The following CDC42BPA variants were observed in gnomAD, a reference collection of about 807,000 sequenced individuals.
CDC42BPA encodes the protein CDC42 binding protein kinase alpha.
A neutral mutation model predicts 223.5 loss-of-function variants in CDC42BPA; 80 were observed. The ratio of observed to expected loss-of-function variants is 0.36; its 90% confidence interval spans 0.30 to 0.43. The LOEUF (loss-of-function observed/expected upper bound fraction) is 0.43. Among genes scored for constraint, CDC42BPA ranks in the 20% least tolerant of loss-of-function variants. The pLI is 1.00. For missense variants in CDC42BPA, 1,743 were observed against 2,099.9 expected (o/e 0.83, Z 3.32); for synonymous variants, 694 against 718.6 (o/e 0.97, Z 0.55).
At chr1:227,010,657 TTCC>T (rs1475619161) in intron 34 of CDC42BPA, among the ~76,000 whole-genome samples, 4 of 152,190 alleles carry the variant, frequency 2.6e-5, no homozygotes, top group Admixed American at 6.5e-5. Flanking sequence ...ATCTTCCCTA[TTCC>T]TCCATCTTCT....
intron 2 of CDC42BPA, among the ~76,000 whole-genome samples, chr1:227,250,279 G>T (rs955371631): frequency 6.6e-6 from 1 of 152,144 alleles, no homozygotes. Flanking sequence ...CCTGAGGTCA[G>T]GAGTTCGAGA....
intron 5 of CDC42BPA, among the ~76,000 whole-genome samples, chr1:227,188,869 AAGGG>A: frequency 6.6e-6 from 1 of 152,118 alleles, no homozygotes; most frequent in Admixed American, 6.5e-5. Context: ...GGTGATAATG[AAGGG>A]TCATTGATGT....
chr1:227,141,540 G>A (rs758554576), intron 9 of CDC42BPA, among the ~76,000 whole-genome samples: 4 of 152,148 alleles, frequency 2.6e-5, no homozygotes, highest in Non-Finnish European at 4.4e-5. Context: ...GTAAGTAGGC[G>A]GTAAATATGG....
At chr1:227,256,033 A>C (rs1216012396) in intron 1 of CDC42BPA, among the ~76,000 whole-genome samples, 3 of 152,234 alleles carry the variant, frequency 2.0e-5, no homozygotes, top group East Asian at 1.9e-4. Flanking sequence ...CTAAGGAATT[A>C]ATACCAGAAT....
chr1:227,312,215 G>A (rs1005626708), intron 1 of CDC42BPA, among the ~76,000 whole-genome samples: 2 of 152,142 alleles, frequency 1.3e-5, no homozygotes, highest in East Asian at 1.9e-4. Flanking sequence ...ACAACCAGCA[G>A]GAGAAAAACA....
chr1:227,313,454 T>C (rs1693857759), intron 1 of CDC42BPA, among the ~76,000 whole-genome samples: 1 of 152,190 alleles, frequency 6.6e-6, no homozygotes. Context: ...TTCTACCATG[T>C]GCCAGCATTG....
chr1:227,100,920 G>C, intron 15 of CDC42BPA, 72 bp downstream of exon 15: 1 of 966,318 alleles, frequency 1.0e-6, no homozygotes, highest in Non-Finnish European at 1.5e-6. Flanking sequence ...TATTGTCTAT[G>C]TATCTCCAAT....
At chr1:227,247,090 A>G (rs1681108915) in intron 2 of CDC42BPA, among the ~76,000 whole-genome samples, 1 of 151,854 alleles carries the variant, frequency 6.6e-6, no homozygotes, top group African/African-American at 2.4e-5. Flanking sequence ...AATCCCAGCT[A>G]CTCAGCAGGC....
chr1:227,139,291 G>A (rs1052882377), intron 10 of CDC42BPA, among the ~76,000 whole-genome samples: 6 of 152,084 alleles, frequency 3.9e-5, no homozygotes, highest in Non-Finnish European at 7.4e-5. Context: ...GTGCTATAAC[G>A]AAGTGAGGAG....
chr1:227,097,489 C>T (rs1397378849), intron 15 of CDC42BPA, among the ~76,000 whole-genome samples: 1 of 152,150 alleles, frequency 6.6e-6, no homozygotes, highest in Non-Finnish European at 1.5e-5. Context: ...GGAGGACACC[C>T]CCAACCAGGA....
rs780259149 is a variant in CDC42BPA at position 227,080,873 on chromosome 1, AC to A, written c.2480+19del. The A allele has an allele frequency of 1.2e-6, 2 of 1,612,764 alleles. No individual in the cohort carries two copies. The highest frequency in any genetic ancestry group is 2.2e-5 in the South Asian group (2 of 91,022). Reference sequence around the variant, plus strand: ...CATACTCACAATCATCCACAAAAAAACGTTTAAAAGAGCACTCACCACTGAA... The same window carrying A: ...CATACTCACAATCATCCACAAAAAAAGTTTAAAAGAGCACTCACCACTGAA... On this transcript the variant is annotated intron_variant, in intron 17 of 36. Transcript: ENST00000366766.
chr1:227,222,156 T>C (rs1676030813), intron 2 of CDC42BPA, among the ~76,000 whole-genome samples: 1 of 151,110 alleles, frequency 6.6e-6, no homozygotes, highest in African/African-American at 2.4e-5. Flanking sequence ...TGGTCAAGAC[T>C]GCAGTGAGCT....
chr1:227,028,631 G>A, intron 30 of CDC42BPA, 26 bp downstream of exon 30: 1 of 1,415,150 alleles, frequency 7.1e-7, no homozygotes, highest in Non-Finnish European at 9.7e-7. Context: ...ATAAAGATAA[G>A]ACAGCCGTAA....
chr1:227,180,382 T>C (rs963814430), intron 5 of CDC42BPA: 3 of 152,176 alleles, frequency 2.0e-5, no homozygotes, highest in African/African-American at 7.2e-5. Context: ...AAAGAAACTG[T>C]TATCCTCTCT....
At chr1:227,300,898 G>A (rs191022767) in intron 1 of CDC42BPA, among the ~76,000 whole-genome samples, 2 of 152,300 alleles carry the variant, frequency 1.3e-5, no homozygotes, top group African/African-American at 2.4e-5. Context: ...GCGGGTAAGC[G>A]CTGCTAAACC....
At chr1:227,266,103 G>A (rs1218695729) in intron 1 of CDC42BPA, among the ~76,000 whole-genome samples, 1 of 152,182 alleles carries the variant, frequency 6.6e-6, no homozygotes, top group African/African-American at 2.4e-5. Flanking sequence ...TTTCTGGGTA[G>A]TGGCAATTTG....
intron 12 of CDC42BPA, among the ~76,000 whole-genome samples, chr1:227,114,531 A>G (rs1157761570): frequency 6.6e-6 from 1 of 152,080 alleles, no homozygotes; most frequent in African/African-American, 2.4e-5. Context: ...ATGAATGTGA[A>G]TGTAAACAAA....
intron 1 of CDC42BPA, among the ~76,000 whole-genome samples, chr1:227,277,128 T>C (rs1286649319): frequency 3.4e-5 from 5 of 146,684 alleles, no homozygotes; most frequent in Non-Finnish European, 7.6e-5. Context: ...TTATGGACAT[T>C]AAGAGAGTAA....
intron 21 of CDC42BPA, chr1:227,068,631 T>C: frequency 9.0e-7 from 1 of 1,106,304 alleles, no homozygotes; most frequent in Non-Finnish European, 1.2e-6. Context: ...AAGGATGCAT[T>C]GGTTTGAAAA....
Sources: allele counts gnomAD v4.1 joint callset (sites outside exome capture counted in the v4.1 genomes callset), GRCh38; gene constraint gnomAD v4.1.1; transcripts MANE v1.5; gene names NCBI Gene and HGNC (gene_info 2026-07-23, HGNC 2026-07-21).